The following ARFIP1 variants were observed in gnomAD, a reference collection of about 807,000 sequenced individuals.
ARFIP1 encodes the protein arfaptin-1.
In ARFIP1, 24 loss-of-function variants were observed where a neutral mutation model predicts 42.5. The ratio of observed to expected loss-of-function variants is 0.57; its 90% CI spans 0.41 to 0.80. The LOEUF is 0.80. ARFIP1 is among the 30% of genes least tolerant of loss of function. The probability of loss-of-function intolerance (pLI) is 0.00; values close to 1 mark genes in which losing one functional copy is unlikely to be tolerated. For synonymous variants in ARFIP1, 141 were observed against 153.7 expected (o/e 0.92, Z 0.61); for missense variants, 354 against 434.0 (o/e 0.82, Z 1.64).
intron 1 of ARFIP1, among the ~76,000 whole-genome samples, chr4:152,784,487 C>T (rs1730679511): frequency 6.6e-6 from 1 of 152,020 alleles, no homozygotes; most frequent in Non-Finnish European, 1.5e-5. Flanking sequence ...TTAGTTGTTC[C>T]TGAAAAAGGA....
At chr4:152,883,801 C>T (rs1363130246) in intron 7 of ARFIP1, among the ~76,000 whole-genome samples, 3 of 151,700 alleles carry the variant, frequency 2.0e-5, no homozygotes, top group Admixed American at 2.0e-4. Context: ...TGCCCTACCC[C>T]TTTTATTTAA....
rs1436911969 is a variant in ARFIP1, at chr4:152,911,833, G to C, written c.*1614G>C. The C allele has an allele frequency of 1.3e-5, 2 of 152,374 alleles. No homozygotes were observed. Among genetic ancestry groups the C allele is most frequent in the Non-Finnish European group, 2.9e-5 (2 of 67,954 alleles). 9.4% of individuals were successfully genotyped at this position (152,374 alleles called of 1,614,324 possible). A position where few individuals can be genotyped will look rare whatever the true frequency, so the allele number is the denominator to read the frequency against. ...TATTCTTCCAGCAGAATTACTACTTGTGATAGTTCATTTACATTCCCCAGA... is the reference window on the plus strand; with the variant it reads ...TATTCTTCCAGCAGAATTACTACTTCTGATAGTTCATTTACATTCCCCAGA... On this transcript the variant is annotated 3_prime_UTR_variant, in exon 9 of 9. Transcript: ENST00000353617.
At chr4:152,804,861 G>C (rs895645190) in intron 1 of ARFIP1, among the ~76,000 whole-genome samples, 4 of 152,050 alleles carry the variant, frequency 2.6e-5, no homozygotes, top group Admixed American at 1.3e-4. Flanking sequence ...AGCTCTTATT[G>C]TTGTAGAGCT....
chr4:152,784,110 G>A (rs1183968675), intron 1 of ARFIP1, among the ~76,000 whole-genome samples: 1 of 152,136 alleles, frequency 6.6e-6, no homozygotes, highest in Non-Finnish European at 1.5e-5. Flanking sequence ...ATATGGTTAT[G>A]GATGAAAAAC....
At chr4:152,832,470 T>C (rs1373662378) in intron 2 of ARFIP1, among the ~76,000 whole-genome samples, 2 of 152,226 alleles carry the variant, frequency 1.3e-5, no homozygotes, top group African/African-American at 4.8e-5. Context: ...CTTTATATAT[T>C]CTGGGTATAT....
intron 2 of ARFIP1, among the ~76,000 whole-genome samples, chr4:152,848,839 A>G (rs866377905): frequency 6.6e-6 from 1 of 152,200 alleles, no homozygotes; most frequent in African/African-American, 2.4e-5. Flanking sequence ...TTTTCATAGC[A>G]TGTGATTACA....
intron 1 of ARFIP1, chr4:152,795,978 T>G: frequency 2.0e-6 from 1 of 496,876 alleles, no homozygotes; most frequent in Non-Finnish European, 3.8e-6. Flanking sequence ...CAGGTATAGC[T>G]GTTTGGTAGT....
chr4:152,828,758 G>T (rs1216312909), intron 1 of ARFIP1, among the ~76,000 whole-genome samples: 1 of 152,088 alleles, frequency 6.6e-6, no homozygotes, highest in Admixed American at 6.5e-5. Context: ...TTCTTTCATG[G>T]ATTATGGCAT....
chr4:152,825,100 A>G (rs1396236664), intron 1 of ARFIP1, among the ~76,000 whole-genome samples: 1 of 152,090 alleles, frequency 6.6e-6, no homozygotes, highest in East Asian at 1.9e-4. Context: ...ATGAAAATAC[A>G]TTCCATAAGA....
intron 1 of ARFIP1, chr4:152,796,363 A>G (rs1731468833): frequency 1.4e-6 from 1 of 722,716 alleles, no homozygotes; most frequent in Non-Finnish European, 2.5e-6. Context: ...GTTTTCTTGT[A>G]AAGACATCTC....
intron 8 of ARFIP1, among the ~76,000 whole-genome samples, chr4:152,889,874 T>C (rs192681363): frequency 0.011 from 1,492 of 130,544 alleles, 41 homozygotes; most frequent in African/African-American, 0.042. Flanking sequence ...ACTATATATA[T>C]ACTAATATAT....
chr4:152,869,528 C>T (rs1039304891), intron 3 of ARFIP1, among the ~76,000 whole-genome samples: 1 of 151,310 alleles, frequency 6.6e-6, no homozygotes, highest in Non-Finnish European at 1.5e-5. Context: ...TGGCTGACTG[C>T]GGCCTCCTCC....
At chr4:152,900,492 C>T (rs1224501488) in intron 8 of ARFIP1, among the ~76,000 whole-genome samples, 3 of 152,114 alleles carry the variant, frequency 2.0e-5, no homozygotes, top group Non-Finnish European at 4.4e-5. Flanking sequence ...ACCTATTTTT[C>T]TACCCCACTT....
chr4:152,812,690 A>G (rs1729565137), intron 1 of ARFIP1, among the ~76,000 whole-genome samples: 2 of 152,232 alleles, frequency 1.3e-5, no homozygotes, highest in African/African-American at 4.8e-5. Context: ...CAGAATGTCT[A>G]CACTAGACTC....
chr4:152,832,374 T>C (rs1731320854), intron 2 of ARFIP1, among the ~76,000 whole-genome samples: 1 of 152,254 alleles, frequency 6.6e-6, no homozygotes, highest in African/African-American at 2.4e-5. Context: ...CCATTGGAGA[T>C]TGTCTTTTAT....
intron 7 of ARFIP1, among the ~76,000 whole-genome samples, chr4:152,886,439 C>T (rs986905290): frequency 1.3e-5 from 2 of 151,938 alleles, no homozygotes; most frequent in Admixed American, 6.6e-5. Context: ...TCTGACATAC[C>T]GAATTCCCAA....
intron 2 of ARFIP1, among the ~76,000 whole-genome samples, chr4:152,849,365 T>A (rs949655727): frequency 2.6e-5 from 4 of 152,080 alleles, no homozygotes; most frequent in Admixed American, 2.0e-4. Flanking sequence ...AATCTGAGAG[T>A]GTGTCGTTAT....
At chr4:152,789,205 C>T (rs545306048) in intron 1 of ARFIP1, among the ~76,000 whole-genome samples, 32 of 145,888 alleles carry the variant, frequency 2.2e-4, no homozygotes, top group Admixed American at 2.0e-3. Flanking sequence ...ATTTTCCTGT[C>T]TCAGCCTCCC....
At chr4:152,824,420 G>A (rs1237752756) in intron 1 of ARFIP1, among the ~76,000 whole-genome samples, 1 of 151,986 alleles carries the variant, frequency 6.6e-6, no homozygotes, top group Non-Finnish European at 1.5e-5. Flanking sequence ...TTCATCATAT[G>A]AACAGAATTA....
Sources: allele counts gnomAD v4.1 joint callset (sites outside exome capture counted in the v4.1 genomes callset), GRCh38; gene constraint gnomAD v4.1.1; transcripts MANE v1.5; gene names NCBI Gene and HGNC (gene_info 2026-07-23, HGNC 2026-07-21).